Variants in COL18A1 observed in about 807,000 individuals in gnomAD.
The protein encoded by COL18A1 is collagen type XVIII alpha 1 chain, also known as collagen alpha-1(XVIII) chain.
COL18A1 carries 133 observed loss-of-function variants against 168.0 expected under a neutral mutation model. The observed-to-expected ratio is 0.79, with a 90% CI of 0.69 to 0.91. The LOEUF (loss-of-function observed/expected upper bound fraction) is 0.91. Among genes scored for constraint, COL18A1 ranks in the 40% least tolerant of loss-of-function variants. The pLI is 0.00. For synonymous variants in COL18A1, 949 were observed against 809.0 expected (o/e 1.17, Z -2.94); for missense variants, 2,126 against 1,925.4 (o/e 1.10, Z -1.95).
Position 45,498,909 on chromosome 21 carries a change from A to ACC in COL18A1, c.2683+1249_2683+1250insCC, listed in dbSNP as rs2036641035. On this transcript the variant is annotated intron_variant, in intron 32 of 41. Transcript: ENST00000651438. The surrounding 1 kb of genome is among the most constrained non-coding windows in gnomAD (Gnocchi z 4.5). ...GGATGAACCTGGGGCTGAAGGCGGA[A>ACC]CAGTTGGAGATTGAGACCTGTGTAT... Among the ~76,000 whole-genome samples the ACC allele has an allele frequency of 1.3e-5, 2 of 152,186 alleles. No individual in the cohort carries two copies. The highest frequency in any genetic ancestry group is 2.9e-5 in the Non-Finnish European group (2 of 68,026).
chr21:45,429,942 G>T (rs1243931799), intron 2 of COL18A1, among the ~76,000 whole-genome samples: 1 of 151,042 alleles, frequency 6.6e-6, no homozygotes, highest in Non-Finnish European at 1.5e-5. Flanking sequence ...CCTCTCATTG[G>T]GGACCCCCCG....
At chr21:45,458,723 G>A (rs1602431555) in intron 2 of COL18A1, among the ~76,000 whole-genome samples, 7 of 152,328 alleles carry the variant, frequency 4.6e-5, no homozygotes, top group Non-Finnish European at 5.9e-5. Context: ...GCAAGCCCAC[G>A]GAGGCAGACA....
In COL18A1 at chr21:45,507,565, A is replaced by G. The variant is rs1008210914; in HGVS notation, c.3221A>G (p.Glu1074Gly). The change falls in exon 38 of 42, where the codon GAG becomes GGG. Residue 1074 changes from glutamate (E) to glycine (G), a missense_variant. Physicochemically the swap from Glu to Gly is moderately conservative, Grantham distance 98 (BLOSUM62 -2). Coordinates refer to ENST00000651438, the MANE Select transcript of COL18A1 (RefSeq NM_001379500.1). ...VQNGFRKVQL[E>G]ARTPLPRGTD... Reference sequence around the variant, plus strand: ...GACCCTGCTGCTTTCTTCCAGCTGGAGGCCCGGACACCACTCCCACGAGGG... The same window carrying G: ...GACCCTGCTGCTTTCTTCCAGCTGGGGGCCCGGACACCACTCCCACGAGGG... 4.3e-6 allele frequency: 7 copies of G among 1,612,138 alleles called. No individual in the cohort carries two copies. The African/African-American group carries it at 8.0e-5, about 18-fold the overall frequency.
At chr21:45,465,960 T>G (rs1360230180) in intron 2 of COL18A1, among the ~76,000 whole-genome samples, 1 of 152,158 alleles carries the variant, frequency 6.6e-6, no homozygotes, top group Non-Finnish European at 1.5e-5. Flanking sequence ...AACGCGGCTC[T>G]TGGTGGAGAG....
At chr21:45,497,452 A>T (rs1275935728) in intron 31 of COL18A1, 147 bp from the exon 32 acceptor site, 2 of 1,151,300 alleles carry the variant, frequency 1.7e-6, no homozygotes, top group African/African-American at 3.1e-5. Context: ...CCTGCTCTCC[A>T]GCAGCTCCTA....
Position 45,492,538 on chromosome 21 carries a change from T to C in COL18A1, c.2161T>C (p.Ser721Pro), listed in dbSNP as rs774425124. Reference sequence around the variant, plus strand: ...TTTTCCTTTTGCTCGTGGACAGGGATCCGTCCTGAGCGTGCCGGGACCTGA... The same window carrying C: ...TTTTCCTTTTGCTCGTGGACAGGGACCCGTCCTGAGCGTGCCGGGACCTGA... The part of the protein sequence containing the change: ...PVVYVSEQDG[S>P]VLSVPGPEGR... Residue 721 changes from serine (S) to proline (P), a missense_variant, in exon 23 of 42, where the codon TCC (serine) becomes CCC (proline). Transcript: ENST00000651438. The C allele has an allele frequency of 1.9e-6, 3 of 1,613,358 alleles. No homozygotes were observed. The highest frequency in any genetic ancestry group is 4.5e-5 in the East Asian group (2 of 44,876).
At chr21:45,487,038 G>A (rs764872614) in intron 16 of COL18A1, 46 bp downstream of exon 16, 22 of 1,470,970 alleles carry the variant, frequency 1.5e-5, no homozygotes, top group South Asian at 5.6e-5. Flanking sequence ...GGGGGCTGCC[G>A]TTGCCCCAGC....
intron 2 of COL18A1, among the ~76,000 whole-genome samples, chr21:45,462,638 A>G (rs1427436572): frequency 6.6e-6 from 1 of 152,056 alleles, no homozygotes; most frequent in African/African-American, 2.4e-5. Flanking sequence ...CATGTTGTTC[A>G]TACATCACTT....
At chr21:45,510,289 G>A in intron 40 of COL18A1, 28 bp downstream of exon 40, 1 of 1,569,650 alleles carries the variant, frequency 6.4e-7, no homozygotes, top group Non-Finnish European at 8.6e-7. Context: ...TGAGGGCGCG[G>A]GCTCCTCGGC....
intron 24 of COL18A1, 33 bp from the exon 25 acceptor site, chr21:45,493,130 C>T (rs767511201): frequency 9.1e-6 from 14 of 1,546,500 alleles, no homozygotes; most frequent in Admixed American, 3.9e-5. Context: ...AGATGCCAGC[C>T]GCTCGGGCCT....
At chr21:45,510,333 G>A in intron 40 of COL18A1, 72 bp downstream of exon 40, 1 of 1,497,312 alleles carries the variant, frequency 6.7e-7, no homozygotes. Context: ...CTCCCAGCGG[G>A]GAGCTCCCCT....
intron 2 of COL18A1, among the ~76,000 whole-genome samples, chr21:45,444,159 C>G (rs1025995501): frequency 6.6e-6 from 1 of 152,244 alleles, no homozygotes; most frequent in Non-Finnish European, 1.5e-5. Context: ...CCATGTGACA[C>G]ATTCGCTCCA....
At chr21:45,433,974 T>A (rs1369399428) in intron 2 of COL18A1, among the ~76,000 whole-genome samples, 1 of 151,814 alleles carries the variant, frequency 6.6e-6, no homozygotes, top group Non-Finnish European at 1.5e-5. Flanking sequence ...CGGAGGGGAA[T>A]GAACACCCAC....
intron 39 of COL18A1, 47 bp downstream of exon 39, chr21:45,509,648 T>G: frequency 1.0e-6 from 1 of 1,004,106 alleles, no homozygotes; most frequent in Non-Finnish European, 1.5e-6. Flanking sequence ...GCCCCTCGGC[T>G]CTCGGCAGCA....
rs911031626 is a variant in COL18A1, at chr21:45,427,816, G to A, written c.106+22343G>A. 2.6e-5 allele frequency among the ~76,000 whole-genome samples: 4 copies of A among 152,250 alleles called. No individual in the cohort carries two copies. In the East Asian group the frequency reaches 5.8e-4, roughly 22 times the overall value. On this transcript the variant is annotated intron_variant, in intron 2 of 41. Transcript: ENST00000651438. ...GTTGGGTCTGCAGGACTGAGAACCA[G>A]CGGAAGGGGGGCGAGGCCTCGGGAA...
At chr21:45,504,593 A>C (rs770663430) in intron 34 of COL18A1, 37 bp downstream of exon 34, 10 of 1,546,972 alleles carry the variant, frequency 6.5e-6, no homozygotes, top group Middle Eastern at 2.2e-4. Flanking sequence ...CCCATGTCCC[A>C]GGGGTCTGGG....
At chr21:45,468,825 C>G in intron 3 of COL18A1, 39 bp downstream of exon 3, 8 of 651,638 alleles carry the variant, frequency 1.2e-5, no homozygotes, top group Non-Finnish European at 1.5e-5. Flanking sequence ...ACTGGAGCAG[C>G]TGGGATGGGG....
At chr21:45,462,693 A>G (rs2035084950) in intron 2 of COL18A1, among the ~76,000 whole-genome samples, 1 of 152,122 alleles carries the variant, frequency 6.6e-6, no homozygotes, top group Admixed American at 6.6e-5. Flanking sequence ...GAGCATCTTT[A>G]AGACAGTCAT....
intron 9 of COL18A1, 93 bp downstream of exon 9, chr21:45,478,446 A>G: frequency 6.5e-7 from 1 of 1,536,898 alleles, no homozygotes; most frequent in Non-Finnish European, 9.0e-7. Flanking sequence ...TTTAAACGCG[A>G]CCCAGTGAGG....
Sources: allele counts gnomAD v4.1 joint callset (sites outside exome capture counted in the v4.1 genomes callset), GRCh38; gene constraint gnomAD v4.1.1; non-coding constraint Gnocchi (gnomAD v3.1); transcripts MANE v1.5; gene names NCBI Gene and HGNC (gene_info 2026-07-23, HGNC 2026-07-21).